The following CDH23 variants were observed in gnomAD, a reference collection of about 807,000 sequenced individuals.
CDH23 encodes cadherin related 23.
A neutral mutation model predicts 317.1 loss-of-function variants in CDH23; 189 were observed. The ratio of observed to expected loss-of-function variants is 0.60; its 90% CI spans 0.53 to 0.67. The LOEUF (loss-of-function observed/expected upper bound fraction) is 0.67, where lower values mean the gene tolerates loss of function less well. Among genes scored for constraint, CDH23 ranks in the 30% least tolerant of loss-of-function variants. The probability of loss-of-function intolerance (pLI) is 0.00; values close to 1 mark genes in which losing one functional copy is unlikely to be tolerated. For missense variants in CDH23, 4,401 were observed against 4,592.4 expected, an observed-to-expected ratio of 0.96 and a Z score of 1.20; for synonymous variants, 1,839 against 1,876.8, an observed-to-expected ratio of 0.98 and a Z score of 0.52.
intron 42 of CDH23, 56 bp from the exon 43 acceptor site, chr10:71,784,835 A>G (rs1024678178): frequency 2.1e-6 from 3 of 1,461,450 alleles, no homozygotes; most frequent in East Asian, 2.3e-5. Context: ...CTCGGTTGCC[A>G]TGCACAACAT....
chr10:71,717,848 GAA>G (rs1866351718), intron 28 of CDH23: 1 of 152,138 alleles, frequency 6.6e-6, no homozygotes, highest in Non-Finnish European at 1.5e-5. Context: ...AGGCAAGAAA[GAA>G]GAGAGGTGGG....
chr10:71,637,017 C>T (rs959781517), intron 11 of CDH23, among the ~76,000 whole-genome samples: 1 of 152,104 alleles, frequency 6.6e-6, no homozygotes, highest in Non-Finnish European at 1.5e-5. Context: ...TTAGCACCCC[C>T]CTTAATGTAG....
chr10:71,529,439 G>A (rs1250033700), intron 6 of CDH23, among the ~76,000 whole-genome samples: 1 of 152,238 alleles, frequency 6.6e-6, no homozygotes, highest in Non-Finnish European at 1.5e-5. Flanking sequence ...TGCTCAGGAA[G>A]CTGCGTATCC....
At chr10:71,698,739 C>G (rs894529040) in intron 22 of CDH23, among the ~76,000 whole-genome samples, 1 of 152,230 alleles carries the variant, frequency 6.6e-6, no homozygotes, top group Admixed American at 6.5e-5. Context: ...TCTAAAGTAG[C>G]TCTGACCCCT....
Position 71,439,899 on chromosome 10 carries a change from G to A in CDH23, c.67+1G>A. ...TTGGTGCTGATCTCTGGATGCTGGGGTAAGTCCAGTCCTCCCCGTGTCTAT... is the reference window on the plus strand; with the variant it reads ...TTGGTGCTGATCTCTGGATGCTGGGATAAGTCCAGTCCTCCCCGTGTCTAT... On this transcript the variant is annotated splice_donor_variant, in intron 2 of 69. Coordinates refer to ENST00000224721, the MANE Select transcript of CDH23 (RefSeq NM_022124.6). LOFTEE classifies it high-confidence loss of function. 6.4e-7 allele frequency: 1 copy of A among 1,570,150 alleles called. No homozygotes were observed. The highest frequency in any genetic ancestry group is 2.3e-5 in the East Asian group (1 of 42,690).
At position 71,615,412 on chromosome 10, in the gene CDH23, A is replaced by T. The variant is rs1861124531; in HGVS notation, c.833-92A>T. The stretch of plus-strand genomic sequence containing the variant: ...GATGAGTCTTTAATGCCCAGAGAGG[A>T]GCCCTGGCCCCAGCTCCATGCCCCC... On this transcript the variant is annotated intron_variant, in intron 9 of 69. Transcript: ENST00000224721. 1.0e-5 allele frequency: 8 copies of T among 798,224 alleles called. No individual in the cohort carries two copies. In the Admixed American group the frequency reaches 1.6e-4, roughly 16 times the overall value. 49.4% of individuals were successfully genotyped at this position (798,224 alleles called of 1,614,324 possible).
intron 65 of CDH23, 67 bp from the exon 66 acceptor site, chr10:71,811,888 C>T: frequency 1.2e-6 from 2 of 1,602,514 alleles, no homozygotes; most frequent in South Asian, 1.1e-5. Flanking sequence ...TCCTCCCTCA[C>T]CCCCCAACAC....
At position 71,609,575 on chromosome 10, in the gene CDH23, G is replaced by A. The variant is rs1242538676; in HGVS notation, c.833-5929G>A. On this transcript the variant is annotated intron_variant, in intron 9 of 69. Coordinates refer to ENST00000224721, the MANE Select transcript of CDH23 (RefSeq NM_022124.6). ...TCTGCTCTATCTGACCCTGCAGACC[G>A]TCTCTTTCTCAAGACTGCCTCCTTC... 5.9e-5 allele frequency among the ~76,000 whole-genome samples: 9 copies of A among 152,256 alleles called. No individual in the cohort carries two copies. The South Asian group carries it at 1.5e-3, about 25-fold the overall frequency.
In CDH23 at chr10:71,725,537, GC is replaced by G; in HGVS notation, c.3579+18del. 1 of 1,608,888 alleles carries G rather than the reference GC, an allele frequency of 6.2e-7. No individual in the cohort carries two copies. Among genetic ancestry groups the G allele is most frequent in the Non-Finnish European group, 8.5e-7 (1 of 1,177,344 alleles). On this transcript the variant is annotated intron_variant, in intron 30 of 69. Coordinates refer to ENST00000224721, the MANE Select transcript of CDH23 (RefSeq NM_022124.6). Reference sequence around the variant, plus strand: ...TCCGTCAGGGTGAGGCTAGGGGCGGGCTGGGGTGCTGACCTCAGGACGGGGC... The same window carrying G: ...TCCGTCAGGGTGAGGCTAGGGGCGGGTGGGGTGCTGACCTCAGGACGGGGC...
intron 28 of CDH23, chr10:71,716,551 C>T (rs1452308120): frequency 2.2e-6 from 1 of 462,892 alleles, no homozygotes; most frequent in African/African-American, 2.0e-5. Flanking sequence ...GAGCTGGGCC[C>T]AAGCTCAGGC....
At chr10:71,630,256 A>C (rs1861939034) in intron 11 of CDH23, among the ~76,000 whole-genome samples, 1 of 152,142 alleles carries the variant, frequency 6.6e-6, no homozygotes, top group Non-Finnish European at 1.5e-5. Flanking sequence ...CCCTGGCCTC[A>C]TAAGATCATC....
chr10:71,688,959 GGGGTGGT>G (rs1564733665), intron 19 of CDH23, among the ~76,000 whole-genome samples: 324 of 13,482 alleles, frequency 0.024, 42 homozygotes, highest in Middle Eastern at 0.05. Context: ...GGTGGAGTCA[GGGGTGGT>G]GGAGTCCAGG....
chr10:71,490,451 G>A (rs559189769), intron 3 of CDH23, among the ~76,000 whole-genome samples: 20 of 152,266 alleles, frequency 1.3e-4, no homozygotes, highest in East Asian at 5.8e-4. Context: ...TAGGTCCTCC[G>A]TAAACGTTAA....
chr10:71,467,593 T>TG (rs1286006251), intron 3 of CDH23, among the ~76,000 whole-genome samples: 1 of 152,120 alleles, frequency 6.6e-6, no homozygotes, highest in Non-Finnish European at 1.5e-5. Flanking sequence ...AGGAGCTGAC[T>TG]GGGGGGTTCA....
intron 16 of CDH23, 78 bp from the exon 17 acceptor site, chr10:71,679,309 A>ACCACCCACCTG: frequency 1.7e-6 from 1 of 602,460 alleles, no homozygotes; most frequent in Non-Finnish European, 3.1e-6. Flanking sequence ...AGTCTTCCCC[A>ACCACCCACCTG]CCCTCCCAGC....
chr10:71,696,570 T>C (rs1865399131), intron 22 of CDH23, among the ~76,000 whole-genome samples: 1 of 152,216 alleles, frequency 6.6e-6, no homozygotes, highest in Non-Finnish European at 1.5e-5. Context: ...CCAGTCCTTA[T>C]TCCTCTGGGA....
chr10:71,620,185 C>T (rs951361890), intron 11 of CDH23, among the ~76,000 whole-genome samples: 45 of 152,254 alleles, frequency 3.0e-4, no homozygotes, highest in Admixed American at 2.5e-3. Flanking sequence ...CCAGAAGTGG[C>T]TCCGTGACTT....
chr10:71,600,839 A>G (rs1283353026), intron 9 of CDH23, among the ~76,000 whole-genome samples: 1 of 152,060 alleles, frequency 6.6e-6, no homozygotes, highest in East Asian at 1.9e-4. Context: ...TTAAAAGTTG[A>G]CCTTTCCTAT....
intron 45 of CDH23, among the ~76,000 whole-genome samples, chr10:71,789,461 G>A (rs1377456326): frequency 6.6e-6 from 1 of 152,064 alleles, no homozygotes; most frequent in African/African-American, 2.4e-5. Flanking sequence ...GGGGTCCTGG[G>A]TAGGCCAGTG....
Sources: allele counts gnomAD v4.1 joint callset (sites outside exome capture counted in the v4.1 genomes callset), GRCh38; gene constraint gnomAD v4.1.1; transcripts MANE v1.5; gene names NCBI Gene and HGNC (gene_info 2026-07-23, HGNC 2026-07-21).